The following IP6K1 variants were observed in gnomAD, a reference collection of about 807,000 sequenced individuals.
IP6K1 encodes inositol hexakisphosphate kinase 1, also known as ATP:1D-myo-inositol-hexakisphosphate phosphotransferase.
A neutral mutation model predicts 38.3 loss-of-function variants in IP6K1; 13 were observed. The observed-to-expected ratio is 0.34, with a 90% confidence interval of 0.22 to 0.54. The LOEUF is 0.54. Ranked by LOEUF, IP6K1 falls within the 20% of genes least tolerant of loss-of-function variation. The pLI is 0.92. For missense variants in IP6K1, 397 were observed against 599.8 expected, an observed-to-expected ratio of 0.66 and a Z score of 3.53; for synonymous variants, 212 against 229.9, an observed-to-expected ratio of 0.92 and a Z score of 0.70.
In IP6K1 at chr3:49,756,771, C is replaced by T. The variant is rs189682934; in HGVS notation, c.-128-8603G>A. 1.1e-4 allele frequency among the ~76,000 whole-genome samples: 16 copies of T among 147,280 alleles called. No individual in the cohort carries two copies. The East Asian group carries it at 1.8e-3, about 16-fold the overall frequency. Reference sequence around the variant, plus strand: ...CAGAGGTTTAGGTGAGCCGAGATCACGCCATTGCACTCCAGCGCCTGGGCA... The same window carrying T: ...CAGAGGTTTAGGTGAGCCGAGATCATGCCATTGCACTCCAGCGCCTGGGCA... On this transcript the variant is annotated intron_variant, in intron 1 of 5. Transcript: ENST00000321599.
intron 4 of IP6K1, among the ~76,000 whole-genome samples, chr3:49,732,070 C>A (rs1003041192): frequency 6.6e-6 from 1 of 151,980 alleles, no homozygotes; most frequent in South Asian, 2.1e-4. Flanking sequence ...GGGACTACTA[C>A]AAGCACACAC....
intron 4 of IP6K1, among the ~76,000 whole-genome samples, chr3:49,731,887 C>CAAAAAAAAGAAAAAAAAAAAA (rs2080565124): frequency 1.5e-5 from 1 of 65,342 alleles, no homozygotes; most frequent in African/African-American, 5.1e-5. Flanking sequence ...GACTCTGTCT[C>CAAAAAAAAGAAAAAAAAAAAA]AAAAAAAAAA....
intron 1 of IP6K1, among the ~76,000 whole-genome samples, chr3:49,773,928 G>A: frequency 6.6e-6 from 1 of 151,612 alleles, no homozygotes; most frequent in East Asian, 1.9e-4. Context: ...AGGATCACTT[G>A]AGCCCAGGAA....
chr3:49,748,485 C>T (rs1379252757), intron 1 of IP6K1, among the ~76,000 whole-genome samples: 2 of 152,106 alleles, frequency 1.3e-5, no homozygotes, highest in South Asian at 4.2e-4. Flanking sequence ...GCACCTATCC[C>T]GGTTTACTTC....
rs2080482006 is a variant in IP6K1, at chr3:49,724,812, TCCTC to T, written c.*2306_*2309del. On this transcript the variant is annotated 3_prime_UTR_variant, in exon 6 of 6. Coordinates refer to ENST00000321599, the MANE Select transcript of IP6K1 (RefSeq NM_153273.4). ...TGGCAAGTTGCTACACTGGTCCCCT[TCCTC>T]TTTTAAGCACCACCCGTCCCACCCC... 6.6e-6 allele frequency: 1 copy of T among 152,648 alleles called. No individual in the cohort carries two copies. The highest frequency in any genetic ancestry group is 2.4e-5 in the African/African-American group (1 of 41,424). The allele number at this position is 152,648 out of a possible 1,614,324, so 9.5% of individuals were successfully genotyped here.
intron 1 of IP6K1, among the ~76,000 whole-genome samples, chr3:49,766,852 C>T (rs905417886): frequency 1.2e-4 from 17 of 146,504 alleles, no homozygotes; most frequent in African/African-American, 4.3e-4. Flanking sequence ...GTAATCCCAG[C>T]TACTCGGAAG....
At chr3:49,734,522 A>G (rs1015211598) in intron 3 of IP6K1, among the ~76,000 whole-genome samples, 1 of 150,672 alleles carries the variant, frequency 6.6e-6, no homozygotes, top group African/African-American at 2.4e-5. Flanking sequence ...CACAGATTCA[A>G]GCTAACACCA....
intron 2 of IP6K1, among the ~76,000 whole-genome samples, chr3:49,744,485 TA>T (rs2080704744): frequency 6.6e-6 from 1 of 150,978 alleles, no homozygotes; most frequent in African/African-American, 2.4e-5. Flanking sequence ...TTTATCAGTA[TA>T]GACTTGTGGA....
intron 3 of IP6K1, among the ~76,000 whole-genome samples, chr3:49,736,919 C>T (rs1436813404): frequency 6.6e-6 from 1 of 151,596 alleles, no homozygotes. Flanking sequence ...CTACAGGTGC[C>T]CACCACCATG....
chr3:49,726,648 C>T lies in IP6K1; in HGVS notation c.*474G>A, dbSNP rs975165545. The stretch of plus-strand genomic sequence containing the variant: ...GCACCTATTAAAGAGCTAGCTGACA[C>T]CCACAGCATAAGACTGGAAAGCCCC... On this transcript the variant is annotated 3_prime_UTR_variant, in exon 6 of 6. Transcript: ENST00000321599. 1 of 173,670 alleles carries T rather than the reference C, an allele frequency of 5.8e-6. No individual in the cohort carries two copies. The highest frequency in any genetic ancestry group is 1.2e-5 in the Non-Finnish European group (1 of 83,184). The allele number at this position is 173,670 out of a possible 1,614,324, so 10.8% of individuals were successfully genotyped here. A position where few individuals can be genotyped will look rare whatever the true frequency, so the allele number is the denominator to read the frequency against.
Position 49,727,955 on chromosome 3 carries a change from T to G in IP6K1, c.792+148A>C. On this transcript the variant is annotated intron_variant, in intron 5 of 5. Transcript: ENST00000321599. This position sits in a 1 kb window ranked among gnomAD's most constrained non-coding sequence, Gnocchi z 5.9. ...ATGTCGAGGCAGCAGACTCTCACAG[T>G]GGTCCTGCACCTGAGGCCCATATCA... The G allele has an allele frequency of 2.6e-6, 2 of 761,924 alleles. No individual in the cohort carries two copies. The highest frequency in any genetic ancestry group is 4.4e-6 in the Non-Finnish European group (2 of 459,394). The allele number at this position is 761,924 out of a possible 1,614,324, so 47.2% of individuals were successfully genotyped here.
intron 1 of IP6K1, among the ~76,000 whole-genome samples, chr3:49,779,365 A>G (rs1480505091): frequency 2.6e-5 from 4 of 152,208 alleles, no homozygotes; most frequent in African/African-American, 9.7e-5. Context: ...TTTATCTGTC[A>G]GTTGATGGAC....
intron 1 of IP6K1, among the ~76,000 whole-genome samples, chr3:49,755,061 T>C (rs1272024566): frequency 6.6e-6 from 1 of 150,678 alleles, no homozygotes; most frequent in African/African-American, 2.4e-5. Flanking sequence ...GCCTTCCAAG[T>C]AGTTGAAAAC....
chr3:49,781,065 A>ATTTTTT (rs34672159), intron 1 of IP6K1, among the ~76,000 whole-genome samples: 3 of 146,914 alleles, frequency 2.0e-5, no homozygotes, highest in Non-Finnish European at 3.0e-5. Flanking sequence ...AACAAAAAAG[A>ATTTTTT]TTTTTTTTTT....
At chr3:49,728,882 T>C (rs2080537302) in intron 4 of IP6K1, among the ~76,000 whole-genome samples, 1 of 151,976 alleles carries the variant, frequency 6.6e-6, no homozygotes, top group Admixed American at 6.6e-5. Flanking sequence ...GCTAGAACTT[T>C]TTCATCTTCC....
At chr3:49,752,259 G>C (rs994710014) in intron 1 of IP6K1, among the ~76,000 whole-genome samples, 1 of 152,026 alleles carries the variant, frequency 6.6e-6, no homozygotes, top group Non-Finnish European at 1.5e-5. Flanking sequence ...AAGCCAAAGC[G>C]GGTGGATCAC....
chr3:49,748,279 T>A, intron 1 of IP6K1, 111 bp from the exon 2 acceptor site: 1 of 550,592 alleles, frequency 1.8e-6, no homozygotes, highest in Non-Finnish European at 3.3e-6. Context: ...ACTATGTGTA[T>A]CCCTAGCACG....
intron 1 of IP6K1, chr3:49,775,685 C>T (rs1021656445): frequency 2.1e-6 from 1 of 479,802 alleles, no homozygotes; most frequent in Middle Eastern, 7.0e-4. Context: ...CTGCTACTCC[C>T]GGCAGAAAGG....
intron 2 of IP6K1, among the ~76,000 whole-genome samples, chr3:49,740,194 T>C (rs1399812816): frequency 1.4e-5 from 2 of 147,596 alleles, no homozygotes; most frequent in African/African-American, 5.0e-5. Flanking sequence ...GTTCAGTCAA[T>C]AGATCGATCG....
Sources: allele counts gnomAD v4.1 joint callset (sites outside exome capture counted in the v4.1 genomes callset), GRCh38; gene constraint gnomAD v4.1.1; non-coding constraint Gnocchi (gnomAD v3.1); transcripts MANE v1.5; gene names NCBI Gene and HGNC (gene_info 2026-07-23, HGNC 2026-07-21).